The following CUX1 variants were observed in gnomAD, a reference collection of about 807,000 sequenced individuals.
CUX1 encodes cut like homeobox 1.
A neutral mutation model predicts 158.8 loss-of-function variants in CUX1; 31 were observed. That is an observed-to-expected ratio of 0.20 (90% confidence interval 0.15 to 0.26). The LOEUF (loss-of-function observed/expected upper bound fraction) is 0.26. CUX1 is among the 10% of genes least tolerant of loss of function. The pLI is 1.00. For missense variants in CUX1, 1,589 were observed against 2,014.6 expected (o/e 0.79, Z 4.04); for synonymous variants, 879 against 862.1 (o/e 1.02, Z -0.34).
chr7:101,995,396 C>T (rs1400679534), intron 2 of CUX1, among the ~76,000 whole-genome samples: 1 of 152,220 alleles, frequency 6.6e-6, no homozygotes, highest in Non-Finnish European at 1.5e-5. Context: ...GAATGTGTCT[C>T]TATCCCTCCT....
At position 101,817,840 on chromosome 7, in the gene CUX1, C is replaced by G. The variant is rs1792047060; in HGVS notation, c.30+171C>G. ...GGGGAACTGCAGCTACTCCCAACTG[C>G]TAAGGTGTGCGTGAAGATAAACTTG... On this transcript the variant is annotated intron_variant, in intron 1 of 23. Transcript: ENST00000292535. This position sits in a 1 kb window ranked among gnomAD's most constrained non-coding sequence, Gnocchi z 4.1. Among the ~76,000 whole-genome samples, 1 of 152,152 alleles carries G rather than the reference C, an allele frequency of 6.6e-6. No homozygotes were observed. Among genetic ancestry groups the G allele is most frequent in the African/African-American group, 2.4e-5 (1 of 41,442 alleles).
chr7:101,976,653 A>G (rs1454352480), intron 2 of CUX1, among the ~76,000 whole-genome samples: 1 of 152,124 alleles, frequency 6.6e-6, no homozygotes, highest in African/African-American at 2.4e-5. Context: ...TGAATGTGGC[A>G]GCATTTTGGC....
At chr7:101,986,788 CAG>C (rs901785499) in intron 2 of CUX1, among the ~76,000 whole-genome samples, 5 of 152,214 alleles carry the variant, frequency 3.3e-5, no homozygotes, top group Non-Finnish European at 5.9e-5. Context: ...CCTACCAGAG[CAG>C]AGTCTTTCTC....
At chr7:102,184,883 C>T (rs1283426737) in intron 11 of CUX1, among the ~76,000 whole-genome samples, 1 of 152,108 alleles carries the variant, frequency 6.6e-6, no homozygotes, top group African/African-American at 2.4e-5. Context: ...TAGGCTCAAG[C>T]AATCCTCCTG....
chr7:102,029,456 G>A (rs1420588177), intron 3 of CUX1, among the ~76,000 whole-genome samples: 2 of 152,120 alleles, frequency 1.3e-5, no homozygotes, highest in African/African-American at 4.8e-5. Context: ...TGGGTTCCTG[G>A]TCCCAGAGCT....
intron 18 of CUX1, among the ~76,000 whole-genome samples, chr7:102,279,463 G>A (rs1271167252): frequency 1.3e-5 from 2 of 152,220 alleles, no homozygotes; most frequent in East Asian, 1.9e-4. Context: ...AGGCCTGTGC[G>A]TGGCTTCTCT....
At chr7:102,179,135 C>A (rs1490100083) in intron 11 of CUX1, among the ~76,000 whole-genome samples, 1 of 152,224 alleles carries the variant, frequency 6.6e-6, no homozygotes, top group Non-Finnish European at 1.5e-5. Flanking sequence ...GCAACCTCCA[C>A]CTCCCAGGTT....
intron 8 of CUX1, among the ~76,000 whole-genome samples, chr7:102,144,917 G>A (rs145884060): frequency 1.3e-5 from 2 of 151,294 alleles, no homozygotes; most frequent in African/African-American, 2.4e-5. Context: ...GCAAAACCTC[G>A]TCTCTACTAA....
chr7:102,228,184 C>G (rs1798554642), intron 21 of CUX1, among the ~76,000 whole-genome samples: 1 of 151,734 alleles, frequency 6.6e-6, no homozygotes, highest in Admixed American at 6.6e-5. Context: ...CTCTTGGCCT[C>G]AAGCAATCTG....
At chr7:102,080,496 C>T (rs920870397) in intron 4 of CUX1, among the ~76,000 whole-genome samples, 3 of 152,142 alleles carry the variant, frequency 2.0e-5, no homozygotes, top group East Asian at 1.9e-4. Context: ...ATCGCGGGGA[C>T]GGTGCTCACA....
rs1053647946 is a variant in CUX1, at chr7:101,869,627, C to T, written c.31-46488C>T. Among the ~76,000 whole-genome samples the T allele has an allele frequency of 7.2e-5, 11 of 152,026 alleles. No homozygotes were observed. Among genetic ancestry groups the T allele is most frequent in the Non-Finnish European group, 1.2e-4 (8 of 67,976 alleles). ...AGCCAAGGTCAGGCGGCCAGCAGGG[C>T]GGGAGGAGGCGTTGGTGTGCACACG... On this transcript the variant is annotated intron_variant, in intron 1 of 23. Transcript: ENST00000292535. The surrounding 1 kb of genome is among the most constrained non-coding windows in gnomAD (Gnocchi z 4.5).
At chr7:102,196,124 A>G (rs1794772949) in intron 14 of CUX1, among the ~76,000 whole-genome samples, 1 of 152,180 alleles carries the variant, frequency 6.6e-6, no homozygotes, top group African/African-American at 2.4e-5. Context: ...GGCAGCTGGT[A>G]AAACGCGTAC....
intron 1 of CUX1, among the ~76,000 whole-genome samples, chr7:101,849,826 A>C (rs1380689434): frequency 1.3e-5 from 2 of 151,406 alleles, no homozygotes; most frequent in African/African-American, 4.9e-5. Context: ...CCTTTTCTCC[A>C]CAACCTTGCC....
chr7:101,863,989 A>C (rs766223159), intron 1 of CUX1, among the ~76,000 whole-genome samples: 2 of 152,098 alleles, frequency 1.3e-5, no homozygotes, highest in Non-Finnish European at 2.9e-5. Flanking sequence ...GGCTGTGGTG[A>C]CACTGTGTGA....
intron 4 of CUX1, among the ~76,000 whole-genome samples, chr7:102,072,073 T>C (rs1217059369): frequency 6.6e-6 from 1 of 152,080 alleles, no homozygotes; most frequent in African/African-American, 2.4e-5. Flanking sequence ...CACTGGAGGG[T>C]GTCCAGGTTC....
intron 2 of CUX1, among the ~76,000 whole-genome samples, chr7:101,953,069 C>T (rs539332623): frequency 1.3e-5 from 2 of 152,200 alleles, no homozygotes; most frequent in African/African-American, 2.4e-5. Context: ...CCGCTCCTCA[C>T]GTGTGAGGGG....
At chr7:101,886,197 T>C (rs1800208668) in intron 1 of CUX1, among the ~76,000 whole-genome samples, 1 of 151,950 alleles carries the variant, frequency 6.6e-6, no homozygotes, top group African/African-American at 2.4e-5. Context: ...TAGGACTGCC[T>C]TTTTCTTTTT....
chr7:101,911,372 ACCTTGGCCTTGG>A (rs757964017), intron 1 of CUX1, among the ~76,000 whole-genome samples: 24 of 121,290 alleles, frequency 2.0e-4, no homozygotes, highest in East Asian at 2.0e-3. Flanking sequence ...GATGACCTGA[ACCTTGGCCTTGG>A]CCTTGGCCTT....
rs782762648 is a variant in CUX1 at position 102,239,422 on chromosome 7, A to AAC, written c.3725_3726insAC (p.His1242GlnfsTer4). On this transcript the variant is annotated frameshift_variant, in exon 23 of 24. Transcript: ENST00000292535. LOFTEE classifies it high-confidence loss of function. ...CAGGGCGCCAGCCCCCAGCCCCAGC[A>AAC]CCAGCTGAAGAAACCCCGGGTGGTG... The AAC allele has an allele frequency of 6.2e-7, 1 of 1,613,912 alleles. No individual in the cohort carries two copies. The highest frequency in any genetic ancestry group is 2.2e-5 in the East Asian group (1 of 44,874).
Sources: allele counts gnomAD v4.1 joint callset (sites outside exome capture counted in the v4.1 genomes callset), GRCh38; gene constraint gnomAD v4.1.1; non-coding constraint Gnocchi (gnomAD v3.1); transcripts MANE v1.5; gene names NCBI Gene and HGNC (gene_info 2026-07-23, HGNC 2026-07-21).